The following TENM1 variants were observed in gnomAD, a reference collection of about 807,000 sequenced individuals.
TENM1 encodes teneurin-1.
Under a neutral mutation model 174.8 loss-of-function variants are expected in TENM1, and 35 were observed. The ratio of observed to expected loss-of-function variants is 0.20; its 90% CI spans 0.15 to 0.27. The LOEUF is 0.27. Ranked by LOEUF, TENM1 falls within the 10% of genes least tolerant of loss-of-function variation. The pLI is 1.00. For missense variants in TENM1, 1,633 were observed against 2,130.1 expected (o/e 0.77, Z 4.59); for synonymous variants, 781 against 798.7 (o/e 0.98, Z 0.37).
chrX:125,127,227 C>T, the TENM1 span, among the ~76,000 whole-genome samples: 1 of 111,499 alleles, frequency 9.0e-6, no homozygotes, highest in East Asian at 2.8e-4. Context: ...TTATTTCATG[C>T]TGTCTAAACA....
At chrX:125,055,201 C>G in the TENM1 span, among the ~76,000 whole-genome samples, 1 of 111,426 alleles carries the variant, frequency 9.0e-6, no homozygotes, top group African/African-American at 3.3e-5. Context: ...AAAGTGCACT[C>G]AAGTTCTGTA....
the TENM1 span, among the ~76,000 whole-genome samples, chrX:125,138,256 T>C: frequency 9.0e-6 from 1 of 110,623 alleles, no homozygotes; most frequent in Admixed American, 9.7e-5. Context: ...AAGATTTTTT[T>C]TTTTTCTGCA....
the TENM1 span, among the ~76,000 whole-genome samples, chrX:125,058,518 T>A: frequency 8.9e-6 from 1 of 111,814 alleles, no homozygotes; most frequent in Non-Finnish European, 1.9e-5. Flanking sequence ...TATGAAAGAG[T>A]GTCCATGCAG....
the TENM1 span, among the ~76,000 whole-genome samples, chrX:125,078,444 T>C: frequency 4.5e-5 from 5 of 111,891 alleles, no homozygotes; most frequent in African/African-American, 3.2e-5. Flanking sequence ...TTCATATAAT[T>C]ATTGTGAACA....
chrX:124,869,072 A>C (rs113935331), intron 3 of TENM1, among the ~76,000 whole-genome samples: 1 of 107,856 alleles, frequency 9.3e-6, no homozygotes, highest in South Asian at 4.1e-4. Flanking sequence ...CAAAAAAAAA[A>C]AAAAAAAAAA....
At chrX:125,199,355 T>C in the TENM1 span, among the ~76,000 whole-genome samples, 236 of 112,085 alleles carry the variant, frequency 2.1e-3, 1 homozygote, top group Non-Finnish European at 2.2e-3. Context: ...TAAACAGAAA[T>C]ATAAAGGCTC....
At chrX:125,051,642 T>C in the TENM1 span, among the ~76,000 whole-genome samples, 1 of 105,282 alleles carries the variant, frequency 9.5e-6, no homozygotes, top group Admixed American at 1.0e-4. Flanking sequence ...GCTAGCCATA[T>C]GTAGAAAGCT....
intron 11 of TENM1, among the ~76,000 whole-genome samples, chrX:124,603,286 A>G (rs2050072360): frequency 8.9e-6 from 1 of 112,057 alleles, no homozygotes; most frequent in Non-Finnish European, 1.9e-5. Context: ...TTAAACATAT[A>G]GCAGTTGCAC....
At chrX:125,193,984 A>G in the TENM1 span, among the ~76,000 whole-genome samples, 11 of 110,232 alleles carry the variant, frequency 1.0e-4, no homozygotes, top group African/African-American at 3.6e-4. Flanking sequence ...GGGTCTCACT[A>G]TGTTGCCCAA....
At chrX:124,531,126 CTTTTTTT>C (rs1189755779) in intron 15 of TENM1, among the ~76,000 whole-genome samples, 1 of 79,181 alleles carries the variant, frequency 1.3e-5, no homozygotes, top group East Asian at 3.7e-4. Context: ...TCAATACCAC[CTTTTTTT>C]TTTTTTTTTT....
chrX:125,136,832 T>G, the TENM1 span, among the ~76,000 whole-genome samples: 1 of 112,094 alleles, frequency 8.9e-6, no homozygotes, highest in Non-Finnish European at 1.9e-5. Flanking sequence ...ATTTAAAGCA[T>G]ACAGGAGAAT....
At chrX:124,382,941 T>C (rs757150306) in intron 30 of TENM1, 129 bp from the exon 34 acceptor site, 15 of 119,558 alleles carry the variant, frequency 1.3e-4, no homozygotes, top group Admixed American at 5.3e-4. Flanking sequence ...AAAACTCCTA[T>C]TTATTTATTT....
chrX:124,659,360 G>A lies in TENM1; in HGVS notation c.1169-5577C>T, dbSNP rs1280444211. Among the ~76,000 whole-genome samples, 4 of 111,693 alleles carry A rather than the reference G, an allele frequency of 3.6e-5. No homozygotes were observed. The Admixed American group carries it at 3.8e-4, about 11-fold the overall frequency. ...GAAAACTCCAAAGTGAAATTAAGAA[G>A]AGAATGTCCATTTGTAATATCATTA... On this transcript the variant is annotated intron_variant, in intron 6 of 31. Coordinates refer to ENST00000422452, the Ensembl canonical transcript of TENM1.
At chrX:124,582,912 C>G (rs1403277747) in intron 11 of TENM1, among the ~76,000 whole-genome samples, 3 of 112,349 alleles carry the variant, frequency 2.7e-5, no homozygotes, top group Non-Finnish European at 5.6e-5. Flanking sequence ...GTCCTACGCC[C>G]ACGGAGTCTC....
chrX:124,642,631 A>T (rs1489106974), intron 10 of TENM1, among the ~76,000 whole-genome samples: 1 of 111,779 alleles, frequency 8.9e-6, no homozygotes, highest in Non-Finnish European at 1.9e-5. Flanking sequence ...CATAGTTTTC[A>T]GTGTCTTAGA....
the TENM1 span, among the ~76,000 whole-genome samples, chrX:125,150,540 C>G: frequency 9.0e-6 from 1 of 111,637 alleles, no homozygotes; most frequent in Non-Finnish European, 1.9e-5. Context: ...CCAAAGCAAC[C>G]AGTCACATAC....
intron 1 of TENM1, among the ~76,000 whole-genome samples, chrX:124,932,889 T>G (rs1264768060): frequency 9.0e-6 from 1 of 111,476 alleles, no homozygotes. Context: ...GAAAAATAAA[T>G]TTTTAAATTT....
chrX:124,642,479 T>C (rs2148373426), intron 10 of TENM1, among the ~76,000 whole-genome samples: 1 of 112,635 alleles, frequency 8.9e-6, no homozygotes, highest in African/African-American at 3.2e-5. Flanking sequence ...GTGAGGTGAA[T>C]GCTGTTGCAT....
At chrX:124,780,913 C>T (rs997662567) in intron 3 of TENM1, among the ~76,000 whole-genome samples, 3 of 111,627 alleles carry the variant, frequency 2.7e-5, no homozygotes, top group Non-Finnish European at 5.7e-5. Flanking sequence ...CCTTTCTTCT[C>T]TCTCTTTCAT....
Sources: allele counts gnomAD v4.1 joint callset (sites outside exome capture counted in the v4.1 genomes callset), GRCh38; gene constraint gnomAD v4.1.1; transcripts MANE v1.5; gene names NCBI Gene and HGNC (gene_info 2026-07-23, HGNC 2026-07-21).